TAB2: variants seen among roughly 807,000 people sequenced by gnomAD.
TAB2 encodes the protein TGF-beta activated kinase 1 (MAP3K7) binding protein 2.
A neutral mutation model predicts 65.0 loss-of-function variants in TAB2; 3 were observed. The ratio of observed to expected loss-of-function variants is 0.05; its 90% CI spans 0.02 to 0.12. The LOEUF (loss-of-function observed/expected upper bound fraction) is 0.12, where lower values mean the gene tolerates loss of function less well. Among genes scored for constraint, TAB2 ranks in the 10% least tolerant of loss-of-function variants. The pLI is 1.00. For missense variants in TAB2, 623 were observed against 840.3 expected, an observed-to-expected ratio of 0.74 and a Z score of 3.20; for synonymous variants, 298 against 285.1, an observed-to-expected ratio of 1.05 and a Z score of -0.46.
chr6:149,344,162 G>A (rs1021727348), intron 1 of TAB2, among the ~76,000 whole-genome samples: 1 of 152,218 alleles, frequency 6.6e-6, no homozygotes, highest in African/African-American at 2.4e-5. Context: ...GGAGCTACTA[G>A]TTAGGGTCAT....
chr6:149,297,956 AT>A (rs1360147975), intron 1 of TAB2, among the ~76,000 whole-genome samples: 1 of 152,230 alleles, frequency 6.6e-6, no homozygotes, highest in Non-Finnish European at 1.5e-5. Context: ...TTGCTAAAAA[AT>A]ATTTGATTTT....
intron 1 of TAB2, among the ~76,000 whole-genome samples, chr6:149,251,456 G>T (rs1777859122): frequency 6.6e-6 from 1 of 152,170 alleles, no homozygotes; most frequent in South Asian, 2.1e-4. Flanking sequence ...CTAGAGAAGA[G>T]ATTTGCTTTT....
chr6:149,379,580 T>A, intron 3 of TAB2, 62 bp downstream of exon 3: 1 of 1,498,522 alleles, frequency 6.7e-7, no homozygotes, highest in Non-Finnish European at 9.3e-7. Flanking sequence ...TGCATTTGAT[T>A]TCACAACAGA....
intron 1 of TAB2, among the ~76,000 whole-genome samples, chr6:149,278,627 AG>A (rs1425592582): frequency 6.6e-6 from 1 of 152,222 alleles, no homozygotes; most frequent in Non-Finnish European, 1.5e-5. Flanking sequence ...TTAAGGTCAA[AG>A]GAATCCGTAA....
intron 1 of TAB2, among the ~76,000 whole-genome samples, chr6:149,248,117 C>T (rs1179978919): frequency 6.6e-6 from 1 of 152,138 alleles, no homozygotes; most frequent in African/African-American, 2.4e-5. Flanking sequence ...TAAGGTCAGG[C>T]ATGGTGGCAC....
At chr6:149,368,807 A>G (rs1781125700) in intron 1 of TAB2, among the ~76,000 whole-genome samples, 1 of 152,184 alleles carries the variant, frequency 6.6e-6, no homozygotes, top group Non-Finnish European at 1.5e-5. Flanking sequence ...TAATCAAGTG[A>G]TGATAAAAAA....
intron 1 of TAB2, among the ~76,000 whole-genome samples, chr6:149,231,111 G>A (rs1190537142): frequency 1.3e-5 from 2 of 152,212 alleles, no homozygotes; most frequent in Non-Finnish European, 2.9e-5. Context: ...ATCAGAGGCT[G>A]CCACACTAAA....
intron 1 of TAB2, among the ~76,000 whole-genome samples, chr6:149,309,098 C>T (rs550957592): frequency 3.3e-4 from 50 of 152,190 alleles, no homozygotes; most frequent in African/African-American, 1.2e-3. Flanking sequence ...TGTGTTTCAT[C>T]TTATTTTTTT....
At chr6:149,357,776 T>C (rs772401427) in intron 1 of TAB2, among the ~76,000 whole-genome samples, 5 of 152,068 alleles carry the variant, frequency 3.3e-5, no homozygotes, top group Non-Finnish European at 7.4e-5. Context: ...CTTGGCTCAC[T>C]GCAACCTCCA....
chr6:149,264,571 C>A (rs895566632), intron 1 of TAB2, among the ~76,000 whole-genome samples: 1 of 152,058 alleles, frequency 6.6e-6, no homozygotes, highest in East Asian at 1.9e-4. Flanking sequence ...GGGTGTCCAC[C>A]ACCCGAGTAC....
intron 1 of TAB2, among the ~76,000 whole-genome samples, chr6:149,256,299 A>C (rs906070925): frequency 1.3e-5 from 2 of 152,218 alleles, no homozygotes; most frequent in African/African-American, 4.8e-5. Context: ...AGTAAAGGAA[A>C]TATATTAGAA....
At chr6:149,379,542 ATGG>A in intron 3 of TAB2, 24 bp downstream of exon 3, 1 of 1,610,804 alleles carries the variant, frequency 6.2e-7, no homozygotes, top group Admixed American at 1.7e-5. Context: ...TAAAGGTGGG[ATGG>A]TTTTCCATGC....
chr6:149,312,961 A>G (rs1779190909), upstream of TAB2, among the ~76,000 whole-genome samples: 1 of 151,920 alleles, frequency 6.6e-6, no homozygotes, highest in South Asian at 2.1e-4. Context: ...ATTTAACTGT[A>G]ATTTTGTATC....
intron 1 of TAB2, among the ~76,000 whole-genome samples, chr6:149,240,025 T>C (rs9498263): frequency 0.21 from 29,326 of 141,364 alleles, 2,938 homozygotes; most frequent in East Asian, 0.29. Context: ...AGCCCTGGGA[T>C]TGAAAGTAGC....
intron 1 of TAB2, among the ~76,000 whole-genome samples, chr6:149,220,051 C>T (rs1029355237): frequency 2.0e-5 from 3 of 152,118 alleles, no homozygotes; most frequent in Non-Finnish European, 4.4e-5. Flanking sequence ...TTTCATGAAG[C>T]TTAAGCCATG....
chr6:149,296,984 A>G (rs1233759874), intron 1 of TAB2, among the ~76,000 whole-genome samples: 1 of 152,196 alleles, frequency 6.6e-6, no homozygotes, highest in Non-Finnish European at 1.5e-5. Flanking sequence ...ATAACACAAT[A>G]AAATCTAGAT....
At chr6:149,249,488 CTG>C (rs1777813922) in intron 1 of TAB2, among the ~76,000 whole-genome samples, 1 of 152,000 alleles carries the variant, frequency 6.6e-6, no homozygotes, top group African/African-American at 2.4e-5. Context: ...CTGTCTCTCT[CTG>C]TCTCTTTCTC....
intron 1 of TAB2, among the ~76,000 whole-genome samples, chr6:149,241,179 C>T (rs1033183243): frequency 2.6e-5 from 4 of 152,104 alleles, no homozygotes; most frequent in East Asian, 1.9e-4. Flanking sequence ...TTCCCAGCCC[C>T]GAGAACTGGG....
chr6:149,348,478 T>C (rs897494776), intron 1 of TAB2, among the ~76,000 whole-genome samples: 2 of 151,588 alleles, frequency 1.3e-5, no homozygotes, highest in African/African-American at 4.8e-5. Flanking sequence ...ACTAAATAGA[T>C]AGGTCGAAAC....
Sources: gnomAD v4.1 joint callset for allele counts (sites outside exome capture counted in the v4.1 genomes callset) on GRCh38, gnomAD v4.1.1 for gene constraint, MANE v1.5 for transcripts, NCBI Gene and HGNC (gene_info 2026-07-23, HGNC 2026-07-21) for gene names.